Variants in DAB1 observed in about 807,000 individuals in gnomAD.
The protein encoded by DAB1 is DAB adaptor protein 1, also known as disabled homolog 1.
A neutral mutation model predicts 64.6 loss-of-function variants in DAB1; 15 were observed. The observed-to-expected ratio is 0.23, with a 90% CI of 0.16 to 0.36. The LOEUF (loss-of-function observed/expected upper bound fraction) is 0.36, where lower values mean the gene tolerates loss of function less well. DAB1 is among the 10% of genes least tolerant of loss of function. The pLI, the probability that DAB1 is intolerant of heterozygous loss-of-function variation, is 1.00. For synonymous variants in DAB1, 235 were observed against 251.9 expected (o/e 0.93, Z 0.64); for missense variants, 596 against 706.7 (o/e 0.84, Z 1.78).
intron 2 of DAB1, among the ~76,000 whole-genome samples, chr1:57,259,572 C>T (rs1670027027): frequency 6.6e-6 from 1 of 152,100 alleles, no homozygotes; most frequent in Non-Finnish European, 1.5e-5. Flanking sequence ...TATTTGAGGC[C>T]CTGCTGATTC....
intron 5 of DAB1, among the ~76,000 whole-genome samples, chr1:58,028,968 G>A (rs192175384): frequency 5.1e-4 from 78 of 152,262 alleles, no homozygotes; most frequent in Admixed American, 2.2e-3. Context: ...AACAGAAGTG[G>A]TATGAACGGC....
chr1:57,958,626 G>A (rs1645445893), intron 5 of DAB1, among the ~76,000 whole-genome samples: 1 of 152,172 alleles, frequency 6.6e-6, no homozygotes, highest in East Asian at 1.9e-4. Context: ...TAAACAAAGT[G>A]CCACTAACTG....
intron 4 of DAB1, among the ~76,000 whole-genome samples, chr1:58,260,370 A>G (rs1461348380): frequency 6.6e-6 from 1 of 152,172 alleles, no homozygotes; most frequent in Non-Finnish European, 1.5e-5. Flanking sequence ...TGTTTCTTGA[A>G]GGTGATCCTG....
chr1:57,352,755 A>G (rs1424020005), intron 1 of DAB1, among the ~76,000 whole-genome samples: 2 of 152,154 alleles, frequency 1.3e-5, no homozygotes, highest in Non-Finnish European at 2.9e-5. Flanking sequence ...TTTGGTGTCA[A>G]TTTGGAGGGT....
intron 4 of DAB1, among the ~76,000 whole-genome samples, chr1:58,255,245 GTTGT>G (rs981106966): frequency 4.0e-5 from 6 of 151,188 alleles, no homozygotes; most frequent in African/African-American, 1.2e-4. Context: ...TTTTGATGGG[GTTGT>G]TTGTTTTTTT....
At chr1:57,759,996 A>G (rs1323819) in intron 6 of DAB1, among the ~76,000 whole-genome samples, 50,609 of 151,990 alleles carry the variant, frequency 0.33, 10,935 homozygotes, top group African/African-American at 0.6. Context: ...CAAAAAAAGA[A>G]CATGAATAGA....
intron 5 of DAB1, among the ~76,000 whole-genome samples, chr1:58,139,953 T>C (rs1654181923): frequency 6.6e-6 from 1 of 152,180 alleles, no homozygotes; most frequent in South Asian, 2.1e-4. Context: ...GTATAAGGGC[T>C]CTTTTTAACA....
At chr1:57,808,831 T>C (rs941189172) in intron 6 of DAB1, among the ~76,000 whole-genome samples, 1 of 152,228 alleles carries the variant, frequency 6.6e-6, no homozygotes, top group African/African-American at 2.4e-5. Context: ...CCTCATCATA[T>C]AACATGAGCA....
In DAB1 at chr1:57,290,447, C is replaced by A. The variant is rs575282023; in HGVS notation, c.67+517G>T. ...ACTCAGAAATGAAGGCTTTATCAAG[C>A]CCTCCCAGTGATTCGGGTCCAGCCG... On this transcript the variant is annotated intron_variant, in intron 2 of 14. Coordinates refer to ENST00000371236, the MANE Select transcript of DAB1 (RefSeq NM_001365792.1). 1.1e-4 allele frequency among the ~76,000 whole-genome samples: 16 copies of A among 152,212 alleles called. 1 individual carries two copies. Among genetic ancestry groups the A allele is most frequent in the African/African-American group, 3.9e-4 (16 of 41,540 alleles).
chr1:57,661,748 CT>C (rs1399793574), intron 6 of DAB1, among the ~76,000 whole-genome samples: 1 of 151,986 alleles, frequency 6.6e-6, no homozygotes, highest in Non-Finnish European at 1.5e-5. Context: ...AATATAAATC[CT>C]ATGTAAATAG....
At chr1:57,659,024 A>G (rs1379278603) in intron 6 of DAB1, among the ~76,000 whole-genome samples, 1 of 152,162 alleles carries the variant, frequency 6.6e-6, no homozygotes, top group Non-Finnish European at 1.5e-5. Context: ...GCAATATGAA[A>G]CACCCTGTCT....
At chr1:58,150,985 A>G (rs1220533528) in intron 4 of DAB1, among the ~76,000 whole-genome samples, 1 of 152,106 alleles carries the variant, frequency 6.6e-6, no homozygotes, top group Non-Finnish European at 1.5e-5. Context: ...GAATGGTGGT[A>G]TCCAGCTTCA....
At chr1:57,306,709 ATAT>A (rs1345966627) in intron 1 of DAB1, 1 of 152,086 alleles carries the variant, frequency 6.6e-6, no homozygotes, top group Non-Finnish European at 1.5e-5. Context: ...TTTAAAAGAA[ATAT>A]TATAGTCATT....
chr1:57,661,219 A>G (rs917479506), intron 6 of DAB1, among the ~76,000 whole-genome samples: 13 of 152,174 alleles, frequency 8.5e-5, no homozygotes, highest in African/African-American at 2.7e-4. Context: ...GGCTCAGTTA[A>G]GGCAGGGAGG....
chr1:57,608,394 A>G (rs60709424), intron 7 of DAB1, among the ~76,000 whole-genome samples: 26,270 of 150,722 alleles, frequency 0.17, 2,289 homozygotes, highest in South Asian at 0.29. Flanking sequence ...ATATTAAAAA[A>G]AGAGAGAGAG....
intron 4 of DAB1, among the ~76,000 whole-genome samples, chr1:57,109,406 G>A (rs1392744833): frequency 6.6e-6 from 1 of 152,140 alleles, no homozygotes; most frequent in Non-Finnish European, 1.5e-5. Context: ...CTCTTTTAGT[G>A]ACCTCTTGAT....
intron 7 of DAB1, among the ~76,000 whole-genome samples, chr1:57,615,659 T>A (rs1185793884): frequency 5.9e-5 from 9 of 151,860 alleles, no homozygotes; most frequent in Non-Finnish European, 1.3e-4. Context: ...GGGATTAATT[T>A]CCCATGTGAA....
chr1:57,701,089 C>T (rs1261255967), intron 6 of DAB1, among the ~76,000 whole-genome samples: 2 of 151,966 alleles, frequency 1.3e-5, no homozygotes, highest in Non-Finnish European at 2.9e-5. Flanking sequence ...AACAGGAACA[C>T]TTTTACACTG....
At position 57,796,270 on chromosome 1, in the gene DAB1, G is replaced by A. The variant is rs575783443; in HGVS notation, n.551+87729C>T. ...TGGCTGGGCGCGGTGGCTCACGCCT[G>A]TAATACAAGCACTTTGGGAGGCCGA... is the stretch of plus-strand genomic sequence containing the variant. On this transcript the variant is annotated intron_variant and non_coding_transcript_variant, in intron 6 of 20. Transcript: ENST00000485760. Among the ~76,000 whole-genome samples, 237 of 152,248 alleles carry A rather than the reference G, an allele frequency of 1.6e-3. 1 individual carries two copies. The highest frequency in any genetic ancestry group is 5.4e-3 in the African/African-American group (226 of 41,550).
Sources: gnomAD v4.1 joint callset for allele counts (sites outside exome capture counted in the v4.1 genomes callset) on GRCh38, gnomAD v4.1.1 for gene constraint, MANE v1.5 for transcripts, NCBI Gene and HGNC (gene_info 2026-07-23, HGNC 2026-07-21) for gene names.